Variants in LONRF1 observed in about 807,000 individuals in gnomAD.
The protein encoded by LONRF1 is LON peptidase N-terminal domain and ring finger 1.
Under a neutral mutation model 85.8 loss-of-function variants are expected in LONRF1, and 37 were observed. The observed-to-expected ratio is 0.43, with a 90% CI of 0.33 to 0.57. The LOEUF (loss-of-function observed/expected upper bound fraction) is 0.57. Ranked by LOEUF, LONRF1 falls within the 20% of genes least tolerant of loss-of-function variation. The pLI is 0.04. For synonymous variants in LONRF1, 517 were observed against 390.1 expected (o/e 1.33, Z -3.83); for missense variants, 1,036 against 978.0 (o/e 1.06, Z -0.79).
rs573157315 is a variant in LONRF1 at position 12,739,914 on chromosome 8, T to C, written c.963+960A>G. 3.3e-5 allele frequency among the ~76,000 whole-genome samples: 5 copies of C among 152,184 alleles called. No homozygotes were observed. The South Asian group carries it at 8.3e-4, about 25-fold the overall frequency. On this transcript the variant is annotated intron_variant, in intron 3 of 11. Transcript: ENST00000398246. ...ATACAAACAAACCTCATAGAGGCTA[T>C]ACCAATGCCAGCTGGATTCTTAAGG...
chr8:12,742,849 T>C (rs1798992332), intron 2 of LONRF1, among the ~76,000 whole-genome samples: 1 of 152,096 alleles, frequency 6.6e-6, no homozygotes, highest in Admixed American at 6.6e-5. Context: ...CTTCAGCCTC[T>C]CGAGTAGTTG....
chr8:12,737,847 A>G (rs1267079173), intron 4 of LONRF1, 148 bp downstream of exon 4: 5 of 704,900 alleles, frequency 7.1e-6, no homozygotes, highest in Non-Finnish European at 1.1e-5. Flanking sequence ...AGTGTAAAGT[A>G]AAGGCTATGG....
At position 12,726,297 on chromosome 8, in the gene LONRF1, T is replaced by C. The variant is rs115951800; in HGVS notation, c.2011-418A>G. On this transcript the variant is annotated intron_variant, in intron 10 of 11. Coordinates refer to ENST00000398246, the MANE Select transcript of LONRF1 (RefSeq NM_152271.5). ...AAAAAGAAAAGATAAGTAGTTAGGG[T>C]GTAGATGACATGACAGAAAGTAGTA... 8.3e-3 allele frequency among the ~76,000 whole-genome samples: 1,262 copies of C among 152,252 alleles called. 14 individuals are homozygous for C. Among genetic ancestry groups the C allele is most frequent in the African/African-American group, 0.029 (1,217 of 41,538 alleles).
intron 3 of LONRF1, among the ~76,000 whole-genome samples, chr8:12,740,341 A>G (rs561170650): frequency 3.9e-5 from 6 of 152,338 alleles, no homozygotes; most frequent in East Asian, 1.9e-4. Flanking sequence ...GCTTAACCCA[A>G]TGCTTCCCAA....
chr8:12,728,863 T>C, intron 10 of LONRF1, 38 bp downstream of exon 10: 2 of 1,611,610 alleles, frequency 1.2e-6, no homozygotes, highest in East Asian at 2.2e-5. Context: ...TGGAACAGGA[T>C]ATACGAAAGT....
chr8:12,754,257 T>C (rs1044603591), intron 1 of LONRF1: 1 of 155,100 alleles, frequency 6.4e-6, no homozygotes, highest in African/African-American at 2.4e-5. Flanking sequence ...GGGGATTCTC[T>C]CCCCGCCCCG....
chr8:12,747,551 G>C (rs1024221044), intron 1 of LONRF1, among the ~76,000 whole-genome samples: 1 of 152,174 alleles, frequency 6.6e-6, no homozygotes, highest in African/African-American at 2.4e-5. Flanking sequence ...TGTGATTCTA[G>C]GAATGGGCAA....
chr8:12,755,316 G>T lies in LONRF1; in HGVS notation c.105C>A (p.Gly35=). 1 of 1,247,578 alleles carries T rather than the reference G, an allele frequency of 8.0e-7. No individual in the cohort carries two copies. The highest frequency in any genetic ancestry group is 1.0e-6 in the Non-Finnish European group (1 of 992,520). 77.3% of individuals were successfully genotyped at this position (1,247,578 alleles called of 1,614,324 possible). The change falls in exon 1 of 12, where the codon GGC becomes GGA. Residue 35 remains glycine (G), a synonymous_variant. Transcript: ENST00000398246. ...CCGCGGCCGCGCGCTCCAGCCGATG[G>T]CCGCTGCCGCCGCCCACTTCCCAGA... The part of the protein sequence containing the change: ...GRFWEVGGGS[G]HRLERAAAES...
chr8:12,748,143 T>C (rs1216343525), intron 1 of LONRF1, among the ~76,000 whole-genome samples: 1 of 152,248 alleles, frequency 6.6e-6, no homozygotes, highest in East Asian at 1.9e-4. Flanking sequence ...TATCTTTATG[T>C]ACCTGCTTGC....
At chr8:12,731,290 C>G (rs1409194645) in intron 8 of LONRF1, among the ~76,000 whole-genome samples, 1 of 152,152 alleles carries the variant, frequency 6.6e-6, no homozygotes, top group Non-Finnish European at 1.5e-5. Flanking sequence ...CACCCCTCTT[C>G]CAATTTCAAT....
rs183578949 is a variant in LONRF1, at chr8:12,743,481, T to C, written c.722-199A>G. Among the ~76,000 whole-genome samples the C allele has an allele frequency of 7.7e-4, 118 of 152,332 alleles. 1 individual carries two copies. The highest frequency in any genetic ancestry group is 2.4e-3 in the African/African-American group (98 of 41,584). ...CTTATCTAGAAGTTGTATCAAATCA[T>C]TGTAAGTAGATCATTTTAGTGGAGG... is the stretch of plus-strand genomic sequence containing the variant. On this transcript the variant is annotated intron_variant, in intron 1 of 11. Coordinates refer to ENST00000398246, the MANE Select transcript of LONRF1 (RefSeq NM_152271.5).
At chr8:12,753,241 T>G (rs1034912186) in intron 1 of LONRF1, 3 of 152,202 alleles carry the variant, frequency 2.0e-5, no homozygotes, top group Non-Finnish European at 4.4e-5. Context: ...CTAAAGATAC[T>G]AAACAACACA....
At chr8:12,743,897 G>T (rs774034923) in intron 1 of LONRF1, among the ~76,000 whole-genome samples, 2 of 151,966 alleles carry the variant, frequency 1.3e-5, no homozygotes, top group Non-Finnish European at 2.9e-5. Context: ...AAATACTCCT[G>T]AGAAAAAACG....
intron 3 of LONRF1, 28 bp downstream of exon 3, chr8:12,740,846 G>A: frequency 1.2e-6 from 2 of 1,608,886 alleles, no homozygotes; most frequent in African/African-American, 1.3e-5. Context: ...GCCCTACCAT[G>A]AACTGTAATT....
rs1452910182 is a variant in LONRF1 at position 12,737,052 on chromosome 8, A to G, written c.1202T>C (p.Met401Thr). The stretch of plus-strand genomic sequence containing the variant: ...TTTTAAACAGTCCTCTCTGGCAGGC[A>G]TTTCTGTTGAATTTATAGACTGTGC... ...QSAQSINSTE[M>T]PAREDCLKRV... is the part of the protein sequence containing the mutation. The change falls in exon 5 of 12, where the codon ATG becomes ACG. Residue 401 changes from methionine (M) to threonine (T), a missense_variant. Transcript: ENST00000398246. 1.2e-5 allele frequency: 19 copies of G among 1,613,702 alleles called. No individual in the cohort carries two copies. The highest frequency in any genetic ancestry group is 1.5e-5 in the Non-Finnish European group (18 of 1,179,706).
chr8:12,735,030 T>C (rs1029084314), intron 7 of LONRF1, among the ~76,000 whole-genome samples: 2 of 152,042 alleles, frequency 1.3e-5, no homozygotes, highest in African/African-American at 4.8e-5. Context: ...TAACTAACCA[T>C]ACCCACTTTT....
chr8:12,727,634 T>G (rs1190511978), intron 10 of LONRF1, among the ~76,000 whole-genome samples: 1 of 152,184 alleles, frequency 6.6e-6, no homozygotes, highest in Non-Finnish European at 1.5e-5. Flanking sequence ...TCAAGTGATT[T>G]TGTCATCAAA....
At chr8:12,732,507 A>G (rs1798566123) in intron 7 of LONRF1, among the ~76,000 whole-genome samples, 1 of 152,058 alleles carries the variant, frequency 6.6e-6, no homozygotes, top group East Asian at 1.9e-4. Context: ...ATTTGCGCTG[A>G]CCCCTAAATA....
At chr8:12,752,625 G>C (rs907747899) in intron 1 of LONRF1, among the ~76,000 whole-genome samples, 2 of 152,180 alleles carry the variant, frequency 1.3e-5, no homozygotes, top group African/African-American at 4.8e-5. Flanking sequence ...AAAAAAGAGA[G>C]ATTACATCTT....
Sources: gnomAD v4.1 joint callset for allele counts (sites outside exome capture counted in the v4.1 genomes callset) on GRCh38, gnomAD v4.1.1 for gene constraint, MANE v1.5 for transcripts, NCBI Gene and HGNC (gene_info 2026-07-23, HGNC 2026-07-21) for gene names.